Variants in MMP16 observed in about 807,000 individuals in gnomAD.
MMP16 encodes the protein matrix metalloproteinase-16.
MMP16 carries 12 observed loss-of-function variants against 67.8 expected under a neutral mutation model. The observed-to-expected ratio is 0.18, with a 90% CI of 0.11 to 0.29. The LOEUF is 0.29. Ranked by LOEUF, MMP16 falls within the 10% of genes least tolerant of loss-of-function variation. The probability of loss-of-function intolerance (pLI) is 1.00; values close to 1 mark genes in which losing one functional copy is unlikely to be tolerated. For missense variants in MMP16, 475 were observed against 765.7 expected (o/e 0.62, Z 4.48); for synonymous variants, 249 against 255.9 (o/e 0.97, Z 0.26).
At chr8:88,290,323 C>A (rs911438930) in intron 1 of MMP16, among the ~76,000 whole-genome samples, 2 of 151,990 alleles carry the variant, frequency 1.3e-5, no homozygotes, top group Admixed American at 1.3e-4. Context: ...GAGGCCGAGG[C>A]GGGTGGATCA....
chr8:88,034,682 T>G lies in MMP16; in HGVS notation c.*6779A>C, dbSNP rs1808031988. 6.6e-6 allele frequency: 1 copy of G among 151,992 alleles called. No homozygotes were observed. The highest frequency in any genetic ancestry group is 2.4e-5 in the African/African-American group (1 of 41,432). The allele number at this position is 151,992 out of a possible 1,614,324, so 9.4% of individuals were successfully genotyped here. ...AAATCATTCATTCAAGCAAAGTATATTTTATCTTAACAATTGGATTGTTAA... is the reference window on the plus strand; with the variant it reads ...AAATCATTCATTCAAGCAAAGTATAGTTTATCTTAACAATTGGATTGTTAA... On this transcript the variant is annotated 3_prime_UTR_variant, in exon 10 of 10. Coordinates refer to ENST00000286614, the MANE Select transcript of MMP16 (RefSeq NM_005941.5).
In MMP16 at chr8:88,282,082, T is replaced by TGGG. The variant is rs113575777; in HGVS notation, c.132+44990_132+44992dup. 2.1e-4 allele frequency among the ~76,000 whole-genome samples: 24 copies of TGGG among 116,174 alleles called. 1 individual carries two copies. Among genetic ancestry groups the TGGG allele is most frequent in the African/African-American group, 9.1e-4 (22 of 24,132 alleles). 76.2% of individuals were successfully genotyped at this position (116,174 alleles called of 152,430 possible). The stretch of plus-strand genomic sequence containing the variant: ...AAATTCCAGATTTTTTTTTCTTTTT[T>TGGG]GGGGGGGGGGGGGCGACGGGGTCTT... On this transcript the variant is annotated intron_variant, in intron 1 of 9. Transcript: ENST00000286614.
chr8:88,304,487 C>A (rs1476223400), intron 1 of MMP16, among the ~76,000 whole-genome samples: 1 of 152,132 alleles, frequency 6.6e-6, no homozygotes, highest in Non-Finnish European at 1.5e-5. Context: ...CCCCAAGACA[C>A]ATAATCATCA....
At chr8:88,156,025 A>C (rs887077559) in intron 4 of MMP16, among the ~76,000 whole-genome samples, 1 of 152,172 alleles carries the variant, frequency 6.6e-6, no homozygotes, top group South Asian at 2.1e-4. Flanking sequence ...ATGAGGAATA[A>C]ATGAGTTAAA....
At chr8:88,065,606 A>G (rs1285505366) in intron 7 of MMP16, among the ~76,000 whole-genome samples, 1 of 152,076 alleles carries the variant, frequency 6.6e-6, no homozygotes, top group African/African-American at 2.4e-5. Context: ...ATAACTTTTT[A>G]TACATCAATC....
rs1809254343 is a variant in MMP16 at position 88,107,057 on chromosome 8, T to C, written c.1083+9450A>G. Among the ~76,000 whole-genome samples the C allele has an allele frequency of 3.3e-5, 5 of 151,356 alleles. No homozygotes were observed. The Admixed American group carries it at 3.3e-4, about 10-fold the overall frequency. ...GTACTTTTATGGTTTAATATTTCCA[T>C]TTAAATAGTTGATCCACCTGGGAAT... On this transcript the variant is annotated intron_variant, in intron 6 of 9. Transcript: ENST00000286614.
intron 4 of MMP16, among the ~76,000 whole-genome samples, chr8:88,119,861 G>T (rs945980472): frequency 6.6e-6 from 1 of 152,022 alleles, no homozygotes; most frequent in Non-Finnish European, 1.5e-5. Flanking sequence ...ATGAATACTT[G>T]CCACAAATGC....
Position 88,116,812 on chromosome 8 carries a change from C to T in MMP16, c.872-94G>A, listed in dbSNP as rs1809445454. The T allele has an allele frequency of 1.2e-5, 13 of 1,096,244 alleles. No homozygotes were observed. The South Asian group carries it at 1.7e-4, about 14-fold the overall frequency. The allele number at this position is 1,096,244 out of a possible 1,614,324, so 67.9% of individuals were successfully genotyped here. On this transcript the variant is annotated intron_variant, in intron 5 of 9. Coordinates refer to ENST00000286614, the MANE Select transcript of MMP16 (RefSeq NM_005941.5). Reference sequence around the variant, plus strand: ...AGAACAATCACTTATCAGCAGAAGGCACAGACTAACTGAACTAAGAGGTCT... The same window carrying T: ...AGAACAATCACTTATCAGCAGAAGGTACAGACTAACTGAACTAAGAGGTCT...
chr8:88,263,414 T>C (rs1357974228), intron 1 of MMP16, among the ~76,000 whole-genome samples: 5 of 152,254 alleles, frequency 3.3e-5, no homozygotes, highest in South Asian at 2.1e-4. Context: ...AGGAAATCTA[T>C]ATGGAAAAAT....
intron 4 of MMP16, among the ~76,000 whole-genome samples, chr8:88,132,458 T>C (rs1313298091): frequency 6.6e-6 from 1 of 151,874 alleles, no homozygotes; most frequent in Non-Finnish European, 1.5e-5. Context: ...TGGCTGGAGC[T>C]GTCAAAAGGT....
intron 8 of MMP16, among the ~76,000 whole-genome samples, chr8:88,047,461 C>A (rs1563516831): frequency 6.6e-6 from 1 of 152,126 alleles, no homozygotes; most frequent in African/African-American, 2.4e-5. Context: ...CTAGGAGTAT[C>A]TGAAGTCATG....
intron 4 of MMP16, among the ~76,000 whole-genome samples, chr8:88,138,567 G>T (rs1332509975): frequency 6.6e-6 from 1 of 151,914 alleles, no homozygotes; most frequent in Admixed American, 6.6e-5. Flanking sequence ...CCCCTTAATC[G>T]TGGCTTCCTT....
chr8:88,077,964 G>A (rs79079067), intron 6 of MMP16, among the ~76,000 whole-genome samples: 4,010 of 152,036 alleles, frequency 0.026, 170 homozygotes, highest in African/African-American at 0.092. Context: ...TTTTAGATGG[G>A]GAGGGAAAGA....
At chr8:88,119,438 C>T (rs533253471) in intron 4 of MMP16, among the ~76,000 whole-genome samples, 2 of 152,112 alleles carry the variant, frequency 1.3e-5, no homozygotes, top group Admixed American at 6.6e-5. Context: ...AATCTATAGG[C>T]TATTAGTCAT....
intron 4 of MMP16, among the ~76,000 whole-genome samples, chr8:88,125,438 A>G (rs538403840): frequency 6.6e-6 from 1 of 152,040 alleles, no homozygotes; most frequent in African/African-American, 2.4e-5. Flanking sequence ...GTCTTCCAAA[A>G]TCAGAAAAAG....
At chr8:88,220,711 A>G (rs903156497) in intron 1 of MMP16, among the ~76,000 whole-genome samples, 5 of 152,156 alleles carry the variant, frequency 3.3e-5, no homozygotes, top group African/African-American at 9.6e-5. Context: ...AAAAGGAAGA[A>G]GATTCACTTC....
intron 1 of MMP16, among the ~76,000 whole-genome samples, chr8:88,277,055 A>G (rs1810660184): frequency 6.6e-6 from 1 of 152,186 alleles, no homozygotes; most frequent in African/African-American, 2.4e-5. Context: ...GAAAATCTTA[A>G]TAACACTATA....
intron 2 of MMP16, among the ~76,000 whole-genome samples, chr8:88,190,256 A>G (rs1405585328): frequency 6.6e-6 from 1 of 152,218 alleles, no homozygotes; most frequent in African/African-American, 2.4e-5. Context: ...ATTCTGGCAC[A>G]GAGATATTAG....
chr8:88,125,151 T>C (rs750244092), intron 4 of MMP16, among the ~76,000 whole-genome samples: 1 of 151,622 alleles, frequency 6.6e-6, no homozygotes, highest in Non-Finnish European at 1.5e-5. Context: ...ATCATTTTCA[T>C]TGCTTCTTAC....
Sources: gnomAD v4.1 joint callset for allele counts (sites outside exome capture counted in the v4.1 genomes callset) on GRCh38, gnomAD v4.1.1 for gene constraint, MANE v1.5 for transcripts, NCBI Gene and HGNC (gene_info 2026-07-23, HGNC 2026-07-21) for gene names.